The following MAGI2 variants were observed in gnomAD, a reference collection of about 807,000 sequenced individuals.
MAGI2 encodes membrane-associated guanylate kinase, WW and PDZ domain-containing protein 2.
In MAGI2, 35 loss-of-function variants were observed where a neutral mutation model predicts 133.3. The observed-to-expected ratio is 0.26, with a 90% confidence interval of 0.20 to 0.35. The LOEUF is 0.35. Among genes scored for constraint, MAGI2 ranks in the 10% least tolerant of loss-of-function variants. The pLI, the probability that MAGI2 is intolerant of heterozygous loss-of-function variation, is 1.00. For missense variants in MAGI2, 1,636 were observed against 1,863.4 expected (o/e 0.88, Z 2.25); for synonymous variants, 729 against 710.6 (o/e 1.03, Z -0.41).
At chr7:78,315,344 G>T (rs558866267) in intron 9 of MAGI2, among the ~76,000 whole-genome samples, 1 of 152,252 alleles carries the variant, frequency 6.6e-6, no homozygotes, top group African/African-American at 2.4e-5. Flanking sequence ...ACTTGGCAGG[G>T]TTTCACATTT....
At chr7:78,445,553 A>G (rs1234202542) in intron 6 of MAGI2, among the ~76,000 whole-genome samples, 2 of 152,078 alleles carry the variant, frequency 1.3e-5, no homozygotes, top group African/African-American at 4.8e-5. Flanking sequence ...CTTTACCTCA[A>G]ACTTTAGTAG....
At chr7:79,310,461 C>T (rs1348390442) in intron 1 of MAGI2, among the ~76,000 whole-genome samples, 1 of 152,098 alleles carries the variant, frequency 6.6e-6, no homozygotes. Context: ...TTTGATATGC[C>T]TGGGATCCAG....
intron 14 of MAGI2, among the ~76,000 whole-genome samples, chr7:78,177,101 A>G (rs1268304437): frequency 1.3e-5 from 2 of 151,986 alleles, no homozygotes; most frequent in Non-Finnish European, 2.9e-5. Flanking sequence ...AATCTACTCT[A>G]CAATAGAGCA....
At chr7:79,123,947 T>C (rs1175069306) in intron 1 of MAGI2, among the ~76,000 whole-genome samples, 1 of 152,126 alleles carries the variant, frequency 6.6e-6, no homozygotes, top group Non-Finnish European at 1.5e-5. Context: ...TTCAACTTTC[T>C]TTTTCACCTG....
chr7:78,850,922 T>A (rs1223203361), intron 2 of MAGI2, among the ~76,000 whole-genome samples: 2 of 152,036 alleles, frequency 1.3e-5, no homozygotes, highest in Non-Finnish European at 2.9e-5. Flanking sequence ...TGACTTTTTT[T>A]AAAGGAAAAA....
intron 3 of MAGI2, among the ~76,000 whole-genome samples, chr7:78,580,483 A>G (rs1802722548): frequency 6.6e-6 from 1 of 152,220 alleles, no homozygotes; most frequent in Admixed American, 6.5e-5. Flanking sequence ...TGCAATCTAC[A>G]CAGACTGGTG....
chr7:79,115,681 G>A (rs901879474), intron 1 of MAGI2, among the ~76,000 whole-genome samples: 1 of 151,826 alleles, frequency 6.6e-6, no homozygotes, highest in Non-Finnish European at 1.5e-5. Flanking sequence ...TCTTTAGCTG[G>A]TGAAATAAAA....
intron 3 of MAGI2, among the ~76,000 whole-genome samples, chr7:78,546,423 C>T (rs1005185805): frequency 2.6e-5 from 4 of 151,778 alleles, no homozygotes. Flanking sequence ...CACCAGGTAA[C>T]ATCAAAACAT....
chr7:78,077,759 C>T (rs1262928654), intron 21 of MAGI2, among the ~76,000 whole-genome samples: 11 of 97,644 alleles, frequency 1.1e-4, no homozygotes, highest in South Asian at 3.5e-4. Context: ...GACAGAGTTT[C>T]GCTCTTGTTG....
chr7:79,081,834 A>G (rs1042174802), intron 1 of MAGI2, among the ~76,000 whole-genome samples: 2 of 152,148 alleles, frequency 1.3e-5, no homozygotes, highest in African/African-American at 4.8e-5. Context: ...CCCTTCATAA[A>G]AGCCACTTTA....
At chr7:78,577,873 G>A (rs4730394) in intron 3 of MAGI2, among the ~76,000 whole-genome samples, 36,292 of 151,880 alleles carry the variant, frequency 0.24, 6,656 homozygotes, top group East Asian at 0.52. Context: ...TGGGCTCAGA[G>A]GCCTGACTCT....
chr7:78,933,513 C>CA (rs1371583152), intron 2 of MAGI2, among the ~76,000 whole-genome samples: 1 of 151,956 alleles, frequency 6.6e-6, no homozygotes, highest in Non-Finnish European at 1.5e-5. Flanking sequence ...GAACAATATG[C>CA]AAAAAATTAT....
At chr7:78,185,343 G>T (rs1264220984) in intron 13 of MAGI2, among the ~76,000 whole-genome samples, 1 of 152,166 alleles carries the variant, frequency 6.6e-6, no homozygotes, top group Non-Finnish European at 1.5e-5. Flanking sequence ...CACGGACCTA[G>T]TCAGTCTGAT....
chr7:78,774,449 C>A (rs1007505211), intron 2 of MAGI2, among the ~76,000 whole-genome samples: 7 of 152,188 alleles, frequency 4.6e-5, no homozygotes, highest in African/African-American at 1.7e-4. Context: ...AACCAAGAAT[C>A]CTCTTCTCTC....
chr7:78,833,421 C>A (rs922340026), intron 2 of MAGI2, among the ~76,000 whole-genome samples: 4 of 152,128 alleles, frequency 2.6e-5, no homozygotes, highest in Non-Finnish European at 5.9e-5. Flanking sequence ...GGCAGTGACC[C>A]CCCTGGACTC....
Position 78,292,546 on chromosome 7 carries a change from C to T in MAGI2, c.1409-35965G>A, listed in dbSNP as rs558105969. Among the ~76,000 whole-genome samples, 5 of 152,290 alleles carry T rather than the reference C, an allele frequency of 3.3e-5. No homozygotes were observed. The South Asian group carries it at 1.0e-3, about 32-fold the overall frequency. On this transcript the variant is annotated intron_variant, in intron 9 of 21. Coordinates refer to ENST00000354212, the MANE Select transcript of MAGI2 (RefSeq NM_012301.4). ...TAGATTCAATGCCATCCCCATCAAGCTACCAATGACTTTCTTCACAGAATT... is the reference window on the plus strand; with the variant it reads ...TAGATTCAATGCCATCCCCATCAAGTTACCAATGACTTTCTTCACAGAATT...
intron 16 of MAGI2, among the ~76,000 whole-genome samples, chr7:78,152,100 AG>A (rs1488320455): frequency 6.6e-6 from 1 of 152,216 alleles, no homozygotes; most frequent in Non-Finnish European, 1.5e-5. Flanking sequence ...ACACAATAAA[AG>A]AAGGGAAGTC....
chr7:78,606,262 A>C (rs893335834), intron 3 of MAGI2, among the ~76,000 whole-genome samples: 6 of 152,276 alleles, frequency 3.9e-5, no homozygotes, highest in African/African-American at 1.2e-4. Context: ...TTCAGACCTA[A>C]GAACTAGGTC....
At chr7:78,023,598 T>C (rs1276168377) in intron 21 of MAGI2, among the ~76,000 whole-genome samples, 1 of 152,210 alleles carries the variant, frequency 6.6e-6, no homozygotes, top group Non-Finnish European at 1.5e-5. Context: ...AGCCCCTTTG[T>C]CCAATGTCCC....
Sources: allele counts gnomAD v4.1 joint callset (sites outside exome capture counted in the v4.1 genomes callset), GRCh38; gene constraint gnomAD v4.1.1; transcripts MANE v1.5; gene names NCBI Gene and HGNC (gene_info 2026-07-23, HGNC 2026-07-21).